Variants in MAP6 observed in about 807,000 individuals in gnomAD.
MAP6 encodes microtubule-associated protein 6.
In MAP6, 26 loss-of-function variants were observed where a neutral mutation model predicts 42.4. The ratio of observed to expected loss-of-function variants is 0.61; its 90% CI spans 0.45 to 0.85. The LOEUF is 0.85. Ranked by LOEUF, MAP6 falls within the 40% of genes least tolerant of loss-of-function variation. The pLI, the probability that MAP6 is intolerant of heterozygous loss-of-function variation, is 0.00. For synonymous variants in MAP6, 418 were observed against 443.8 expected (o/e 0.94, Z 0.73); for missense variants, 966 against 1,099.0 (o/e 0.88, Z 1.71).
At chr11:75,637,833 T>TAGGAAGGAGGGAGGGAAGGA (rs1305578243) in intron 1 of MAP6, among the ~76,000 whole-genome samples, 9 of 83,598 alleles carry the variant, frequency 1.1e-4, no homozygotes, top group Admixed American at 4.8e-4. Flanking sequence ...GGGAGGGAAG[T>TAGGAAGGAGGGAGGGAAGGA]AGGAAGGAGG....
intron 1 of MAP6, among the ~76,000 whole-genome samples, chr11:75,636,365 C>T (rs1373628343): frequency 6.6e-6 from 1 of 152,186 alleles, no homozygotes; most frequent in African/African-American, 2.4e-5. Flanking sequence ...ATCTCTTCCT[C>T]TTAACCAAAG....
At chr11:75,597,080 G>A (rs76780262) in intron 3 of MAP6, 320 of 152,344 alleles carry the variant, frequency 2.1e-3, no homozygotes, top group African/African-American at 7.6e-3. Flanking sequence ...ATCTGTAAAT[G>A]GGAGTGACAC....
At chr11:75,652,108 T>C (rs958069005) in intron 1 of MAP6, among the ~76,000 whole-genome samples, 3 of 152,252 alleles carry the variant, frequency 2.0e-5, no homozygotes, top group Non-Finnish European at 4.4e-5. Flanking sequence ...ATAATTATTA[T>C]TATATTTTGA....
intron 3 of MAP6, among the ~76,000 whole-genome samples, chr11:75,600,021 T>A (rs1478758800): frequency 6.6e-6 from 1 of 152,244 alleles, no homozygotes; most frequent in African/African-American, 2.4e-5. Flanking sequence ...GGTAATTCAA[T>A]AGCTGTAATT....
intron 1 of MAP6, among the ~76,000 whole-genome samples, chr11:75,627,345 G>A (rs1943214462): frequency 6.6e-6 from 1 of 152,226 alleles, no homozygotes. Context: ...TGGGAGGGCA[G>A]TGTGCAGAGA....
At chr11:75,655,759 G>C (rs1943738437) in intron 1 of MAP6, among the ~76,000 whole-genome samples, 1 of 152,234 alleles carries the variant, frequency 6.6e-6, no homozygotes, top group South Asian at 2.1e-4. Context: ...TGGCATGTTG[G>C]ACTAGGGGAA....
At chr11:75,595,283 G>A (rs1383682684) in intron 3 of MAP6, among the ~76,000 whole-genome samples, 1 of 152,192 alleles carries the variant, frequency 6.6e-6, no homozygotes, top group Non-Finnish European at 1.5e-5. Context: ...TTGCACTCCA[G>A]GGCCACCCTT....
intron 1 of MAP6, among the ~76,000 whole-genome samples, chr11:75,627,537 G>A (rs1018322698): frequency 6.6e-6 from 1 of 152,174 alleles, no homozygotes; most frequent in Non-Finnish European, 1.5e-5. Context: ...GAAACAAAAG[G>A]ACCTGAAAAC....
chr11:75,626,361 G>A (rs1943194542), intron 1 of MAP6, among the ~76,000 whole-genome samples: 1 of 152,144 alleles, frequency 6.6e-6, no homozygotes, highest in Admixed American at 6.5e-5. Flanking sequence ...GAGCGGTAAG[G>A]AGGGACCACA....
At chr11:75,626,805 C>A (rs1032134645) in intron 1 of MAP6, among the ~76,000 whole-genome samples, 2 of 152,102 alleles carry the variant, frequency 1.3e-5, no homozygotes, top group African/African-American at 4.8e-5. Context: ...AGAGAGACTA[C>A]GATCCAGGCC....
At chr11:75,647,958 G>A (rs1258045928) in intron 1 of MAP6, among the ~76,000 whole-genome samples, 1 of 152,064 alleles carries the variant, frequency 6.6e-6, no homozygotes, top group Admixed American at 6.6e-5. Context: ...AAGACAAACA[G>A]ACCAATCCAA....
At chr11:75,626,428 A>G (rs1943196004) in intron 1 of MAP6, among the ~76,000 whole-genome samples, 2 of 152,226 alleles carry the variant, frequency 1.3e-5, no homozygotes, top group South Asian at 4.1e-4. Flanking sequence ...ACCTAAGAGC[A>G]GAGGAGTGAC....
chr11:75,615,541 C>A (rs543688104), intron 1 of MAP6, among the ~76,000 whole-genome samples: 1 of 152,092 alleles, frequency 6.6e-6, no homozygotes, highest in African/African-American at 2.4e-5. Flanking sequence ...GAAGATCTTC[C>A]CTCCACAGAC....
intron 1 of MAP6, among the ~76,000 whole-genome samples, chr11:75,652,525 G>A (rs979519318): frequency 1.4e-4 from 22 of 152,214 alleles, no homozygotes; most frequent in African/African-American, 4.8e-4. Context: ...GAATTGATAA[G>A]TTCCTCTGCT....
At chr11:75,653,965 C>A (rs563711119) in intron 1 of MAP6, among the ~76,000 whole-genome samples, 1 of 152,320 alleles carries the variant, frequency 6.6e-6, no homozygotes, top group Non-Finnish European at 1.5e-5. Flanking sequence ...ATGTACACAT[C>A]TTTCATTCAT....
chr11:75,612,498 G>C (rs1214005995), intron 1 of MAP6, among the ~76,000 whole-genome samples: 1 of 152,220 alleles, frequency 6.6e-6, no homozygotes, highest in Admixed American at 6.5e-5. Flanking sequence ...GATGTCAACA[G>C]AAAAGCGGAT....
chr11:75,623,703 A>G (rs1943149095), intron 1 of MAP6, among the ~76,000 whole-genome samples: 1 of 152,096 alleles, frequency 6.6e-6, no homozygotes, highest in Admixed American at 6.6e-5. Context: ...CCAACGAATA[A>G]ACACCTTTGT....
chr11:75,637,275 G>C (rs867192559), intron 1 of MAP6, among the ~76,000 whole-genome samples: 1 of 152,118 alleles, frequency 6.6e-6, no homozygotes, highest in African/African-American at 2.4e-5. Context: ...CATATATATG[G>C]AGCGGTTGAA....
chr11:75,587,487 G>T lies in MAP6; in HGVS notation c.2014C>A (p.Gln672Lys). 6.2e-7 allele frequency: 1 copy of T among 1,614,104 alleles called. No homozygotes were observed. Reference protein sequence around the residue: ...GSMVSEPVKNQGLVVSGPVKD... With the variant: ...GSMVSEPVKNKGLVVSGPVKD... ...ACTGGCCCTGAGACCACTAAACCTT[G>T]ATTCTTTACAGGCTCAGAGACCATG... The change falls in exon 4 of 4, where the codon CAA becomes AAA. Residue 672 changes from glutamine (Q) to lysine (K), a missense_variant. Around this residue, in one of 2 missense-constraint regions of MAP6, gnomAD observed 943 missense variants for 1,049.9 expected, o/e 0.90. Transcript: ENST00000304771.
Sources: allele counts gnomAD v4.1 joint callset (sites outside exome capture counted in the v4.1 genomes callset), GRCh38; gene constraint gnomAD v4.1.1; regional missense constraint gnomAD v4.1.1; transcripts MANE v1.5; gene names NCBI Gene and HGNC (gene_info 2026-07-23, HGNC 2026-07-21).